The following KCNAB1 variants were observed in gnomAD, a reference collection of about 807,000 sequenced individuals.
KCNAB1 encodes voltage-gated potassium channel subunit beta-1.
Under a neutral mutation model 64.6 loss-of-function variants are expected in KCNAB1, and 35 were observed. That is an observed-to-expected ratio of 0.54 (90% CI 0.41 to 0.72). The LOEUF (loss-of-function observed/expected upper bound fraction) is 0.72, where lower values mean the gene tolerates loss of function less well. Among genes scored for constraint, KCNAB1 ranks in the 30% least tolerant of loss-of-function variants. KCNAB1 has a pLI of 0.00. For synonymous variants in KCNAB1, 177 were observed against 183.8 expected (o/e 0.96, Z 0.30); for missense variants, 401 against 512.9 (o/e 0.78, Z 2.11).
At chr3:156,444,145 A>T (rs577699624) in intron 2 of KCNAB1, among the ~76,000 whole-genome samples, 17 of 152,360 alleles carry the variant, frequency 1.1e-4, no homozygotes, top group Middle Eastern at 3.4e-3. Context: ...GATGCGAGCC[A>T]GAACAAGGAA....
intron 1 of KCNAB1, among the ~76,000 whole-genome samples, chr3:156,388,686 G>T (rs1712800747): frequency 6.6e-6 from 1 of 152,202 alleles, no homozygotes; most frequent in African/African-American, 2.4e-5. Flanking sequence ...AAATAATTAT[G>T]CTCACATTCT....
At chr3:156,149,931 T>C (rs1443688398) in intron 1 of KCNAB1, among the ~76,000 whole-genome samples, 1 of 152,198 alleles carries the variant, frequency 6.6e-6, no homozygotes, top group Non-Finnish European at 1.5e-5. Context: ...TTGAAAAGTA[T>C]TAATAGCTAG....
chr3:156,217,323 T>G (rs536769316), intron 1 of KCNAB1, among the ~76,000 whole-genome samples: 43 of 152,334 alleles, frequency 2.8e-4, no homozygotes, highest in South Asian at 6.2e-4. Flanking sequence ...CCAAATATGT[T>G]AACAACAGCA....
intron 1 of KCNAB1, among the ~76,000 whole-genome samples, chr3:156,260,568 T>C (rs563587712): frequency 7.9e-5 from 12 of 152,210 alleles, no homozygotes; most frequent in Non-Finnish European, 1.5e-4. Flanking sequence ...ATAATGTTTC[T>C]GAGGATGATT....
chr3:156,251,776 G>A (rs773657728), intron 1 of KCNAB1, among the ~76,000 whole-genome samples: 3 of 152,164 alleles, frequency 2.0e-5, no homozygotes, highest in Non-Finnish European at 4.4e-5. Flanking sequence ...AATTTTCATA[G>A]GTATGCTCCT....
intron 1 of KCNAB1, among the ~76,000 whole-genome samples, chr3:156,247,726 C>A (rs1189691602): frequency 6.6e-6 from 1 of 152,084 alleles, no homozygotes; most frequent in Non-Finnish European, 1.5e-5. Context: ...CCATGCCCCA[C>A]TAATTTTTTG....
intron 1 of KCNAB1, among the ~76,000 whole-genome samples, chr3:156,158,579 A>G (rs1715896655): frequency 6.6e-6 from 1 of 152,244 alleles, no homozygotes; most frequent in African/African-American, 2.4e-5. Context: ...GGCTTATATA[A>G]TAAAGGAAAC....
At chr3:156,329,615 G>T (rs1222807879) in intron 1 of KCNAB1, among the ~76,000 whole-genome samples, 1 of 152,104 alleles carries the variant, frequency 6.6e-6, no homozygotes, top group Non-Finnish European at 1.5e-5. Flanking sequence ...AGAGGAGTGA[G>T]GGAGGACAGC....
At chr3:156,443,650 T>G (rs1328080187) in intron 2 of KCNAB1, among the ~76,000 whole-genome samples, 2 of 152,056 alleles carry the variant, frequency 1.3e-5, no homozygotes, top group African/African-American at 4.8e-5. Flanking sequence ...TGAGGATGTC[T>G]TTCTCATTTG....
intron 11 of KCNAB1, among the ~76,000 whole-genome samples, chr3:156,522,539 C>T (rs1718019034): frequency 6.6e-6 from 1 of 152,206 alleles, no homozygotes; most frequent in Admixed American, 6.5e-5. Context: ...GCCATCTCCT[C>T]AAGCAGGCTA....
intron 1 of KCNAB1, chr3:156,291,142 T>A (rs1720380017): frequency 1.0e-6 from 1 of 985,434 alleles, no homozygotes; most frequent in Non-Finnish European, 1.2e-6. Context: ...GTGCAAGTGA[T>A]CTTTGCCTTC....
At chr3:156,132,755 CAT>C (rs972040134) in intron 1 of KCNAB1, among the ~76,000 whole-genome samples, 1 of 152,188 alleles carries the variant, frequency 6.6e-6, no homozygotes, top group South Asian at 2.1e-4. Context: ...AATCATTACA[CAT>C]GTTTTTCTAT....
At chr3:156,365,290 G>A (rs1725874282) in intron 1 of KCNAB1, among the ~76,000 whole-genome samples, 1 of 152,172 alleles carries the variant, frequency 6.6e-6, no homozygotes, top group Admixed American at 6.5e-5. Flanking sequence ...TCATAAGGTG[G>A]TTGAGATATT....
At chr3:156,412,662 A>G (rs1169934374) in intron 1 of KCNAB1, among the ~76,000 whole-genome samples, 1 of 152,252 alleles carries the variant, frequency 6.6e-6, no homozygotes. Context: ...ACATAAAAAG[A>G]AAGTGGTAAG....
intron 2 of KCNAB1, chr3:156,441,171 A>C (rs548733988): frequency 6.6e-6 from 1 of 152,302 alleles, no homozygotes; most frequent in Non-Finnish European, 1.5e-5. Flanking sequence ...CATGGAATTA[A>C]AATTTATTTC....
At chr3:156,440,273 C>A (rs1716900515) in intron 2 of KCNAB1, among the ~76,000 whole-genome samples, 1 of 152,150 alleles carries the variant, frequency 6.6e-6, no homozygotes, top group Non-Finnish European at 1.5e-5. Flanking sequence ...TCTCTAGTTA[C>A]CTAAATTTCT....
intron 1 of KCNAB1, among the ~76,000 whole-genome samples, chr3:156,242,518 C>T (rs1467850690): frequency 6.6e-6 from 1 of 152,076 alleles, no homozygotes; most frequent in Non-Finnish European, 1.5e-5. Flanking sequence ...CTCTCTCTTG[C>T]TTTGTATCTC....
intron 1 of KCNAB1, among the ~76,000 whole-genome samples, chr3:156,188,524 A>T (rs1360610421): frequency 6.6e-6 from 1 of 152,252 alleles, no homozygotes; most frequent in African/African-American, 2.4e-5. Context: ...ATAAAAATGC[A>T]AACAGTACAG....
intron 1 of KCNAB1, among the ~76,000 whole-genome samples, chr3:156,259,754 A>C (rs1718319121): frequency 6.6e-6 from 1 of 152,156 alleles, no homozygotes; most frequent in Admixed American, 6.5e-5. Flanking sequence ...CTTTAACTAA[A>C]AACCTTGCAC....
Sources: allele counts gnomAD v4.1 joint callset (sites outside exome capture counted in the v4.1 genomes callset), GRCh38; gene constraint gnomAD v4.1.1; transcripts MANE v1.5; gene names NCBI Gene and HGNC (gene_info 2026-07-23, HGNC 2026-07-21).